The following KCNQ3 variants were observed in gnomAD, a reference collection of about 807,000 sequenced individuals.
KCNQ3 encodes potassium voltage-gated channel subfamily Q member 3.
A neutral mutation model predicts 92.5 loss-of-function variants in KCNQ3; 30 were observed. The ratio of observed to expected loss-of-function variants is 0.32; its 90% CI spans 0.24 to 0.44. The LOEUF (loss-of-function observed/expected upper bound fraction) is 0.44. Ranked by LOEUF, KCNQ3 falls within the 20% of genes least tolerant of loss-of-function variation. The probability of loss-of-function intolerance (pLI) is 1.00; values close to 1 mark genes in which losing one functional copy is unlikely to be tolerated. For missense variants in KCNQ3, 913 were observed against 1,140.3 expected, an observed-to-expected ratio of 0.80 and a Z score of 2.87; for synonymous variants, 450 against 468.8, an observed-to-expected ratio of 0.96 and a Z score of 0.52.
intron 1 of KCNQ3, among the ~76,000 whole-genome samples, chr8:132,478,157 G>A (rs1822458031): frequency 6.6e-6 from 1 of 152,040 alleles, no homozygotes; most frequent in South Asian, 2.1e-4. Flanking sequence ...GATCCTTTTT[G>A]GGAAACAGGC....
chr8:132,237,679 G>A (rs1245401902), intron 1 of KCNQ3, among the ~76,000 whole-genome samples: 1 of 152,168 alleles, frequency 6.6e-6, no homozygotes, highest in Non-Finnish European at 1.5e-5. Flanking sequence ...GGAAGCTTAA[G>A]GCTGGATGAA....
chr8:132,263,971 T>C (rs1326186091), intron 1 of KCNQ3, among the ~76,000 whole-genome samples: 1 of 152,190 alleles, frequency 6.6e-6, no homozygotes, highest in Non-Finnish European at 1.5e-5. Flanking sequence ...GAGAGCTTAC[T>C]AGGTGTTAAG....
intron 1 of KCNQ3, among the ~76,000 whole-genome samples, chr8:132,231,837 G>A (rs577889228): frequency 1.4e-4 from 22 of 152,258 alleles, no homozygotes; most frequent in African/African-American, 3.1e-4. Context: ...GTCTTTCCTC[G>A]AATCCTTGGC....
chr8:132,464,633 A>G (rs1277886194), intron 1 of KCNQ3, among the ~76,000 whole-genome samples: 3 of 152,334 alleles, frequency 2.0e-5, no homozygotes, highest in South Asian at 4.1e-4. Context: ...AAGGCTGTAC[A>G]TTAGAAAACG....
chr8:132,239,748 T>C (rs1814927135), intron 1 of KCNQ3, among the ~76,000 whole-genome samples: 1 of 152,178 alleles, frequency 6.6e-6, no homozygotes, highest in African/African-American at 2.4e-5. Context: ...AGCAGAGCAA[T>C]TCCTGGATTT....
Position 132,129,108 on chromosome 8 carries a change from G to A in KCNQ3, c.*154C>T. 3 of 768,988 alleles carry A rather than the reference G, an allele frequency of 3.9e-6. No homozygotes were observed. Among genetic ancestry groups the A allele is most frequent in the Non-Finnish European group, 2.1e-6 (1 of 468,982 alleles). 47.6% of individuals were successfully genotyped at this position (768,988 alleles called of 1,614,324 possible). On this transcript the variant is annotated 3_prime_UTR_variant, in exon 15 of 15. Coordinates refer to ENST00000388996, the MANE Select transcript of KCNQ3 (RefSeq NM_004519.4). The surrounding 1 kb of genome is among the most constrained non-coding windows in gnomAD (Gnocchi z 5.9). Reference sequence around the variant, plus strand: ...GTTGTGGTGACATGGGGAGGAAGAGGCTGTGGGAAGCCCCTGCCTGGGTGG... The same window carrying A: ...GTTGTGGTGACATGGGGAGGAAGAGACTGTGGGAAGCCCCTGCCTGGGTGG...
intron 1 of KCNQ3, among the ~76,000 whole-genome samples, chr8:132,226,428 C>T (rs569408387): frequency 5.9e-5 from 9 of 152,002 alleles, no homozygotes; most frequent in Admixed American, 2.0e-4. Context: ...GGCGCGCATG[C>T]GTGTGTAGGG....
In KCNQ3 at chr8:132,186,956, CAGAG is replaced by C. The variant is rs1160355665; in HGVS notation, c.387-779_387-776del. Among the ~76,000 whole-genome samples the C allele has an allele frequency of 7.2e-3, 677 of 94,110 alleles. 1 individual carries two copies. The highest frequency in any genetic ancestry group is 0.023 in the Middle Eastern group (3 of 128). The allele number at this position is 94,110 out of a possible 152,430, so 61.7% of individuals were successfully genotyped here. On this transcript the variant is annotated intron_variant, in intron 1 of 14. Transcript: ENST00000388996. ...TGTGAGAGAGAGAGAGAGAGAGAGA[CAGAG>C]AGAGAGAGAGAGAGAGAGAGAGAGA...
intron 1 of KCNQ3, among the ~76,000 whole-genome samples, chr8:132,231,232 G>T (rs1006176707): frequency 6.6e-6 from 1 of 152,152 alleles, no homozygotes; most frequent in African/African-American, 2.4e-5. Context: ...TGGCTTCCAG[G>T]GCTGTGATAT....
chr8:132,291,441 C>T (rs1816832066), intron 1 of KCNQ3, among the ~76,000 whole-genome samples: 1 of 152,158 alleles, frequency 6.6e-6, no homozygotes, highest in Non-Finnish European at 1.5e-5. Context: ...TTGCCGATGT[C>T]AAATCATGTA....
intron 1 of KCNQ3, among the ~76,000 whole-genome samples, chr8:132,349,958 T>A (rs1160417593): frequency 6.6e-6 from 1 of 152,212 alleles, no homozygotes; most frequent in African/African-American, 2.4e-5. Flanking sequence ...GTAGCTGGAA[T>A]TCTTACTCTG....
intron 1 of KCNQ3, among the ~76,000 whole-genome samples, chr8:132,466,047 A>G (rs990515629): frequency 3.9e-5 from 6 of 152,224 alleles, no homozygotes; most frequent in African/African-American, 1.4e-4. Context: ...CCTTTCCCCA[A>G]AGGATAATGC....
chr8:132,447,965 T>C (rs1209834400), intron 1 of KCNQ3, among the ~76,000 whole-genome samples: 1 of 152,168 alleles, frequency 6.6e-6, no homozygotes, highest in Admixed American at 6.5e-5. Context: ...CGTAACCAAA[T>C]CCCCTTTTCA....
intron 1 of KCNQ3, among the ~76,000 whole-genome samples, chr8:132,336,420 T>C (rs1375015343): frequency 2.0e-5 from 3 of 152,222 alleles, no homozygotes; most frequent in African/African-American, 4.8e-5. Context: ...GGTTTCTGCG[T>C]CCTCTTCTGT....
intron 1 of KCNQ3, among the ~76,000 whole-genome samples, chr8:132,472,416 T>C (rs906889538): frequency 6.6e-6 from 1 of 152,172 alleles, no homozygotes; most frequent in African/African-American, 2.4e-5. Flanking sequence ...CACAATGGAA[T>C]ACTAGTCAGC....
At chr8:132,452,344 A>G (rs974044562) in intron 1 of KCNQ3, among the ~76,000 whole-genome samples, 6 of 151,992 alleles carry the variant, frequency 3.9e-5, no homozygotes, top group African/African-American at 1.5e-4. Flanking sequence ...GCCATGCAGT[A>G]TTTTTCCTTT....
chr8:132,172,164 C>A (rs1826387467), intron 7 of KCNQ3, among the ~76,000 whole-genome samples: 1 of 151,720 alleles, frequency 6.6e-6, no homozygotes, highest in Non-Finnish European at 1.5e-5. Context: ...CCAGCCTGGA[C>A]AAGAGAGTCT....
intron 1 of KCNQ3, among the ~76,000 whole-genome samples, chr8:132,440,938 T>C (rs1563913171): frequency 6.6e-6 from 1 of 152,246 alleles, no homozygotes; most frequent in East Asian, 1.9e-4. Flanking sequence ...ATCAGAACTC[T>C]GCTTCTCACC....
Position 132,187,312 on chromosome 8 carries a change from G to A in KCNQ3, c.387-1131C>T, listed in dbSNP as rs567693840. On this transcript the variant is annotated intron_variant, in intron 1 of 14. Transcript: ENST00000388996. ...CTGGATCTGTCCTCACGAGCTCACAGTCCAGATAAACAGAAAGTTGTCTCA... is the reference window on the plus strand; with the variant it reads ...CTGGATCTGTCCTCACGAGCTCACAATCCAGATAAACAGAAAGTTGTCTCA... 2.6e-5 allele frequency: 12 copies of A among 453,796 alleles called. No homozygotes were observed. The East Asian group carries it at 8.3e-4, about 32-fold the overall frequency. 28.1% of individuals were successfully genotyped at this position (453,796 alleles called of 1,614,324 possible).
Sources: allele counts gnomAD v4.1 joint callset (sites outside exome capture counted in the v4.1 genomes callset), GRCh38; gene constraint gnomAD v4.1.1; non-coding constraint Gnocchi (gnomAD v3.1); transcripts MANE v1.5; gene names NCBI Gene and HGNC (gene_info 2026-07-23, HGNC 2026-07-21).